TDRD9: variants seen among roughly 807,000 people sequenced by gnomAD.
TDRD9 encodes ATP-dependent RNA helicase TDRD9.
TDRD9 carries 124 observed loss-of-function variants against 172.6 expected under a neutral mutation model. That is an observed-to-expected ratio of 0.72 (90% CI 0.62 to 0.83). The LOEUF is 0.83. TDRD9 is among the 40% of genes least tolerant of loss of function. TDRD9 has a pLI of 0.00. For missense variants in TDRD9, 1,479 were observed against 1,714.1 expected (o/e 0.86, Z 2.42); for synonymous variants, 619 against 617.1 (o/e 1.00, Z -0.05).
intron 6 of TDRD9, among the ~76,000 whole-genome samples, chr14:103,973,062 A>C (rs1330838154): frequency 6.6e-6 from 1 of 152,192 alleles, no homozygotes; most frequent in Non-Finnish European, 1.5e-5. Context: ...TTAGTGGATT[A>C]ACAAAACCCT....
intron 34 of TDRD9, among the ~76,000 whole-genome samples, chr14:104,047,642 C>G (rs977833619): frequency 6.6e-6 from 1 of 152,196 alleles, no homozygotes; most frequent in South Asian, 2.1e-4. Flanking sequence ...TGGTGTTAAA[C>G]GCGTGCTGAC....
chr14:103,969,835 G>A (rs989752947), intron 5 of TDRD9, among the ~76,000 whole-genome samples: 1 of 151,676 alleles, frequency 6.6e-6, no homozygotes, highest in Non-Finnish European at 1.5e-5. Flanking sequence ...GGGGTGGGGG[G>A]GCTGTGGGTC....
intron 32 of TDRD9, among the ~76,000 whole-genome samples, chr14:104,038,485 C>T (rs977478872): frequency 3.3e-5 from 5 of 152,138 alleles, no homozygotes; most frequent in African/African-American, 1.2e-4. Flanking sequence ...AATGTTGGGG[C>T]CTCCAGCTGA....
intron 28 of TDRD9, among the ~76,000 whole-genome samples, chr14:104,028,100 G>A (rs1454499316): frequency 1.3e-5 from 2 of 152,022 alleles, no homozygotes; most frequent in Admixed American, 6.6e-5. Flanking sequence ...ATCTGTTGAC[G>A]GACACCTAGG....
intron 20 of TDRD9, among the ~76,000 whole-genome samples, chr14:104,012,203 C>CG (rs2034634830): frequency 6.6e-6 from 1 of 152,218 alleles, no homozygotes; most frequent in Non-Finnish European, 1.5e-5. Flanking sequence ...CACCGTCAAT[C>CG]ATATTCTAGC....
At chr14:103,987,992 T>C (rs2033734429) in intron 8 of TDRD9, among the ~76,000 whole-genome samples, 1 of 152,230 alleles carries the variant, frequency 6.6e-6, no homozygotes, top group Non-Finnish European at 1.5e-5. Context: ...TTTATCATTA[T>C]AAAATGCACC....
chr14:104,031,897 A>G (rs1206991442), intron 29 of TDRD9, 120 bp from the exon 30 acceptor site: 1 of 666,190 alleles, frequency 1.5e-6, no homozygotes. Flanking sequence ...TCATAAAGAC[A>G]TTATGAATGA....
intron 2 of TDRD9, among the ~76,000 whole-genome samples, chr14:103,961,478 G>A (rs977121817): frequency 2.0e-5 from 3 of 151,850 alleles, no homozygotes; most frequent in Middle Eastern, 3.4e-3. Flanking sequence ...GAGGAGAATC[G>A]CTTGAACCCA....
chr14:103,959,699 T>C (rs2032418949), intron 2 of TDRD9, among the ~76,000 whole-genome samples: 1 of 152,194 alleles, frequency 6.6e-6, no homozygotes, highest in South Asian at 2.1e-4. Context: ...TTAAAAATTA[T>C]TTCTAAATAG....
At chr14:103,939,276 C>T (rs1453228834) in intron 1 of TDRD9, among the ~76,000 whole-genome samples, 1 of 152,176 alleles carries the variant, frequency 6.6e-6, no homozygotes, top group Non-Finnish European at 1.5e-5. Context: ...TACCGGGCTT[C>T]ATATACAAAC....
At chr14:104,037,170 G>T (rs950237536) in intron 32 of TDRD9, among the ~76,000 whole-genome samples, 1 of 151,548 alleles carries the variant, frequency 6.6e-6, no homozygotes, top group African/African-American at 2.4e-5. Flanking sequence ...CAGGAGGGGG[G>T]TCTTCAGTAC....
intron 18 of TDRD9, 26 bp downstream of exon 18, chr14:104,006,871 G>T: frequency 1.3e-6 from 2 of 1,585,576 alleles, no homozygotes; most frequent in South Asian, 2.3e-5. Context: ...TGTAAACCAT[G>T]AAAGCAGCTA....
rs2030124694 is a variant in TDRD9 at position 103,928,545 on chromosome 14, C to G, written c.36C>G (p.Asp12Glu). The change falls in exon 1 of 36, where the codon GAC becomes GAG. Residue 12 changes from aspartate (D) to glutamate (E), a missense_variant. Transcript: ENST00000409874. Reference sequence around the variant, plus strand: ...AGCTCACCATCGAGCAGATCAACGACTGGTTCACCATCGGCAAGACGGTGA... The same window carrying G: ...AGCTCACCATCGAGCAGATCAACGAGTGGTTCACCATCGGCAAGACGGTGA... Reference protein sequence around the residue: ...LRKLTIEQINDWFTIGKTVTN... With the variant: ...LRKLTIEQINEWFTIGKTVTN... 3.6e-6 allele frequency: 5 copies of G among 1,394,594 alleles called. No homozygotes were observed. The highest frequency in any genetic ancestry group is 1.5e-5 in the African/African-American group (1 of 65,596). 86.4% of individuals were successfully genotyped at this position (1,394,594 alleles called of 1,614,324 possible). A position where few individuals can be genotyped will look rare whatever the true frequency, so the allele number is the denominator to read the frequency against.
rs753770272 is a variant in TDRD9 at position 104,036,267 on chromosome 14, G to T, written c.3716+1211G>T. On this transcript the variant is annotated intron_variant, in intron 32 of 35. Transcript: ENST00000409874. ...GCATATGATGGCTTACAAAAATACC[G>T]CCCTGTTTTAATTATACATGCACTT... is the stretch of plus-strand genomic sequence containing the variant. 2.6e-5 allele frequency among the ~76,000 whole-genome samples: 4 copies of T among 152,094 alleles called. No homozygotes were observed. In the East Asian group the frequency reaches 5.8e-4, roughly 22 times the overall value.
At chr14:104,051,137 C>T (rs574959743) in intron 35 of TDRD9, among the ~76,000 whole-genome samples, 3 of 152,170 alleles carry the variant, frequency 2.0e-5, no homozygotes, top group Non-Finnish European at 4.4e-5. Flanking sequence ...CTAGTGGTCC[C>T]CGGTGTTTCT....
chr14:103,943,113 A>G (rs2031338827), intron 1 of TDRD9, among the ~76,000 whole-genome samples: 1 of 151,626 alleles, frequency 6.6e-6, no homozygotes, highest in African/African-American at 2.4e-5. Flanking sequence ...AATGGTCATT[A>G]TTGTGCTATT....
Position 103,997,803 on chromosome 14 carries a change from C to T in TDRD9, c.1379-821C>T, listed in dbSNP as rs576768651. Among the ~76,000 whole-genome samples, 36 of 152,242 alleles carry T rather than the reference C, an allele frequency of 2.4e-4. No homozygotes were observed. Among genetic ancestry groups the T allele is most frequent in the Non-Finnish European group, 2.2e-4 (15 of 68,014 alleles). ...GGAGGAGTGCATCAGATGCCCATGG[C>T]GGGTCAAGGAGGACCTCCCAACGGG... On this transcript the variant is annotated intron_variant, in intron 12 of 35. Transcript: ENST00000409874. This position sits in a 1 kb window ranked among gnomAD's most constrained non-coding sequence, Gnocchi z 5.1.
chr14:104,022,073 A>G, intron 23 of TDRD9, 84 bp from the exon 24 acceptor site: 1 of 1,082,310 alleles, frequency 9.2e-7, no homozygotes, highest in Non-Finnish European at 1.3e-6. Context: ...GATGTGACAG[A>G]ATTTCTGTCT....
Position 103,928,555 on chromosome 14 carries a change from A to G in TDRD9, c.46A>G (p.Ile16Val). Residue 16 changes from isoleucine (I) to valine (V), a missense_variant, in exon 1 of 36, where the codon ATC (isoleucine) becomes GTC (valine). By Grantham distance (29) the Ile-to-Val change is conservative (BLOSUM62 3). This residue lies in a region of TDRD9 where 63 missense variants were observed against 48.4 expected (regional missense o/e 1.30). Coordinates refer to ENST00000409874, the MANE Select transcript of TDRD9 (RefSeq NM_153046.3). ...TIEQINDWFT[I>V]GKTVTNVELL... is the part of the protein sequence containing the mutation. Reference sequence around the variant, plus strand: ...CGAGCAGATCAACGACTGGTTCACCATCGGCAAGACGGTGACCAATGTGGA... The same window carrying G: ...CGAGCAGATCAACGACTGGTTCACCGTCGGCAAGACGGTGACCAATGTGGA... 2 of 1,389,970 alleles carry G rather than the reference A, an allele frequency of 1.4e-6. No individual in the cohort carries two copies. The highest frequency in any genetic ancestry group is 1.9e-6 in the Non-Finnish European group (2 of 1,058,892). 86.1% of individuals were successfully genotyped at this position (1,389,970 alleles called of 1,614,324 possible).
Sources: allele counts gnomAD v4.1 joint callset (sites outside exome capture counted in the v4.1 genomes callset), GRCh38; gene constraint gnomAD v4.1.1; regional missense constraint gnomAD v4.1.1; non-coding constraint Gnocchi (gnomAD v3.1); transcripts MANE v1.5; gene names NCBI Gene and HGNC (gene_info 2026-07-23, HGNC 2026-07-21).